REPIN1: variants seen among roughly 807,000 people sequenced by gnomAD.
REPIN1 encodes replication initiator 1.
A neutral mutation model predicts 5.7 loss-of-function variants in REPIN1; 4 were observed. That is an observed-to-expected ratio of 0.71 (90% CI 0.35 to 1.62). The LOEUF (loss-of-function observed/expected upper bound fraction) is 1.62, where lower values mean the gene tolerates loss of function less well. Ranked by LOEUF, REPIN1 falls within the 40% of genes most tolerant of loss-of-function variation. The probability of loss-of-function intolerance (pLI) is 0.05; values close to 1 mark genes in which losing one functional copy is unlikely to be tolerated. For synonymous variants in REPIN1, 410 were observed against 386.2 expected (o/e 1.06, Z -0.72); for missense variants, 854 against 901.0 (o/e 0.95, Z 0.67).
chr7:150,369,932 T>A, intron 2 of REPIN1, 64 bp downstream of exon 2: 1 of 1,518,314 alleles, frequency 6.6e-7, no homozygotes, highest in Non-Finnish European at 8.8e-7. Flanking sequence ...GGCGTCCCCA[T>A]CCCGGCGGAA....
chr7:150,372,460 G>T lies in REPIN1; in HGVS notation c.1390G>T (p.Glu464Ter). 1 of 1,536,426 alleles carries T rather than the reference G, an allele frequency of 6.5e-7. No homozygotes were observed. The part of the protein sequence containing the change: ...HTGERPFTCA[E>*]CGKNFGKKTH... ...CGGGGAGCGGCCCTTCACCTGCGCC[G>T]AGTGCGGGAAGAACTTCGGCAAGAA... The change falls in exon 3 of 3, where the codon GAG becomes TAG. Residue 464 changes from glutamate (E) to a stop codon, truncating the protein, a stop_gained. Transcript: ENST00000489432. LOFTEE classifies it low-confidence loss of function (END_TRUNC).
rs1800071192 is a variant in REPIN1 at position 150,373,187 on chromosome 7, G to T, written c.*242G>T. 3.3e-6 allele frequency: 2 copies of T among 609,138 alleles called. No individual in the cohort carries two copies. Among genetic ancestry groups the T allele is most frequent in the Non-Finnish European group, 2.9e-6 (1 of 340,588 alleles). 37.7% of individuals were successfully genotyped at this position (609,138 alleles called of 1,614,324 possible). A position where few individuals can be genotyped will look rare whatever the true frequency, so the allele number is the denominator to read the frequency against. On this transcript the variant is annotated 3_prime_UTR_variant, in exon 3 of 3. Coordinates refer to ENST00000489432, the MANE Select transcript of REPIN1 (RefSeq NM_001099695.2). ...TCCAGCTGGTGTGTGCTAAGGCTCC[G>T]TCCTGACTGCCCTGTGCCCTGGAAA...
At chr7:150,369,041 C>T (rs1474819242) in intron 1 of REPIN1, 100 bp downstream of exon 1, 6 of 330,106 alleles carry the variant, frequency 1.8e-5, no homozygotes, top group African/African-American at 5.4e-5. Flanking sequence ...TGTGTGAGTG[C>T]GCGGGGGGGG....
intron 1 of REPIN1, 80 bp downstream of exon 1, chr7:150,369,021 T>TGCGCGACCGTGTGTGAGTGC: frequency 4.9e-6 from 1 of 205,514 alleles, no homozygotes; most frequent in Non-Finnish European, 9.0e-6. Flanking sequence ...ACCGTGAGTG[T>TGCGCGACCGTGTGTGAGTGC]GCGCGACCGT....
rs1225929862 is a variant in REPIN1, at chr7:150,370,808, G to A, written c.158-420G>A. On this transcript the variant is annotated intron_variant, in intron 2 of 2. Transcript: ENST00000489432. ...GCTTCTCAGAGTTGCTGTGCAGCTCGGATGTGGCATAGGAAACAGCAGACA... is the reference window on the plus strand; with the variant it reads ...GCTTCTCAGAGTTGCTGTGCAGCTCAGATGTGGCATAGGAAACAGCAGACA... 4 of 702,238 alleles carry A rather than the reference G, an allele frequency of 5.7e-6. No homozygotes were observed. The South Asian group carries it at 5.9e-5, about 10-fold the overall frequency. The allele number at this position is 702,238 out of a possible 1,614,324, so 43.5% of individuals were successfully genotyped here.
Position 150,371,992 on chromosome 7 carries a change from T to C in REPIN1, c.922T>C (p.Leu308=), listed in dbSNP as rs1221553036. The change falls in exon 3 of 3, where the codon TTG becomes CTG. Residue 308 remains leucine, a synonymous_variant. Transcript: ENST00000489432. ...CGKRFRHKPN[L]IAHRRVHTGE... The stretch of plus-strand genomic sequence containing the variant: ...CAAGCGCTTCCGGCACAAGCCCAAC[T>C]TGATCGCTCACCGCCGCGTGCACAC... The C allele has an allele frequency of 1.2e-6, 2 of 1,611,050 alleles. No homozygotes were observed. Among genetic ancestry groups the C allele is most frequent in the Non-Finnish European group, 1.7e-6 (2 of 1,179,534 alleles).
Position 150,371,917 on chromosome 7 carries a change from C to T in REPIN1, c.847C>T (p.Arg283Trp). The change falls in exon 3 of 3, where the codon CGG becomes TGG. Residue 283 changes from arginine to tryptophan, a missense_variant. Arg to Trp is a moderately radical substitution (Grantham distance 101, BLOSUM62 -3). Around this residue, in one of 5 missense-constraint regions of REPIN1, gnomAD observed 409 missense variants for 418.6 expected, o/e 0.98. Coordinates refer to ENST00000489432, the MANE Select transcript of REPIN1 (RefSeq NM_001099695.2). Reference protein sequence around the residue: ...PRGRPAVTAPRPGGDAVDRPF... With the variant: ...PRGRPAVTAPWPGGDAVDRPF... ...GGGCCGCCCCGCGGTGACCGCCCCC[C>T]GGCCCGGTGGAGATGCCGTCGACCG... 6.2e-7 allele frequency: 1 copy of T among 1,608,278 alleles called. No individual in the cohort carries two copies. Among genetic ancestry groups the T allele is most frequent in the Non-Finnish European group, 8.5e-7 (1 of 1,178,842 alleles).
Position 150,369,758 on chromosome 7 carries a change from G to T in REPIN1, c.47G>T (p.Gly16Val). 4 of 1,613,926 alleles carry T rather than the reference G, an allele frequency of 2.5e-6. No individual in the cohort carries two copies. The highest frequency in any genetic ancestry group is 3.4e-6 in the Non-Finnish European group (4 of 1,179,826). ...SLLLQFSLTP[G>V]GYRSVGRSRR... The stretch of plus-strand genomic sequence containing the variant: ...TTACTGCAGTTTTCTCTAACACCTG[G>T]GGGCTACCGGAGTGTGGGCCGAAGC... The change falls in exon 2 of 3, where the codon GGG (glycine) becomes GTG (valine). Residue 16 changes from glycine (G) to valine (V), a missense_variant. By Grantham distance (109) the Gly-to-Val change is moderately radical. This residue lies in a region of REPIN1 where 409 missense variants were observed against 418.6 expected (regional missense o/e 0.98). Coordinates refer to ENST00000489432, the MANE Select transcript of REPIN1 (RefSeq NM_001099695.2).
At position 150,372,962 on chromosome 7, in the gene REPIN1, G is replaced by T. The variant is rs767610161; in HGVS notation, c.*17G>T. ...GATGTCTGAGACGGTGGGCGGGGCC[G>T]TGTTGGCTGAGAGAGGGCTGGGGTC... On this transcript the variant is annotated 3_prime_UTR_variant, in exon 3 of 3. Coordinates refer to ENST00000489432, the MANE Select transcript of REPIN1 (RefSeq NM_001099695.2). The T allele has an allele frequency of 6.2e-7, 1 of 1,600,958 alleles. No individual in the cohort carries two copies. The highest frequency in any genetic ancestry group is 1.3e-5 in the African/African-American group (1 of 74,816).
At position 150,372,930 on chromosome 7, in the gene REPIN1, G is replaced by A; in HGVS notation, c.1860G>A (p.Lys620=). 1 of 1,612,798 alleles carries A rather than the reference G, an allele frequency of 6.2e-7. No individual in the cohort carries two copies. The highest frequency in any genetic ancestry group is 8.5e-7 in the Non-Finnish European group (1 of 1,179,594). The change falls in exon 3 of 3, where the codon AAG becomes AAA. Residue 620 remains lysine, a synonymous_variant. Transcript: ENST00000489432. ...DDEERLLAHQ[K]KHDV ...AGGAGAGACTCCTGGCCCACCAGAA[G>A]AAGCACGATGTCTGAGACGGTGGGC...
Position 150,372,658 on chromosome 7 carries a change from T to C in REPIN1, c.1588T>C (p.Tyr530His), listed in dbSNP as rs1455329943. 1 of 1,611,048 alleles carries C rather than the reference T, an allele frequency of 6.2e-7. No individual in the cohort carries two copies. Among genetic ancestry groups the C allele is most frequent in the Non-Finnish European group, 8.5e-7 (1 of 1,179,520 alleles). The change falls in exon 3 of 3, where the codon TAC becomes CAC. Residue 530 changes from tyrosine to histidine, a missense_variant. Transcript: ENST00000489432. The stretch of plus-strand genomic sequence containing the variant: ...CGGCAAGGCCTTCCGCCACAAACCC[T>C]ACCTGGCGGCGCACCGGCGCATCCA... ...DCGKAFRHKPYLAAHRRIHTG... is the reference protein window; with the variant it reads ...DCGKAFRHKPHLAAHRRIHTG...
Position 150,372,921 on chromosome 7 carries a change from C to T in REPIN1, c.1851C>T (p.Ala617=). Residue 617 remains alanine, a synonymous_variant, in exon 3 of 3, where the codon GCC becomes GCT. Coordinates refer to ENST00000489432, the MANE Select transcript of REPIN1 (RefSeq NM_001099695.2). ...QTFDDEERLL[A]HQKKHDV The stretch of plus-strand genomic sequence containing the variant: ...TCGACGACGAGGAGAGACTCCTGGC[C>T]CACCAGAAGAAGCACGATGTCTGAG... 6.2e-7 allele frequency: 1 copy of T among 1,613,040 alleles called. No individual in the cohort carries two copies. Among genetic ancestry groups the T allele is most frequent in the Non-Finnish European group, 8.5e-7 (1 of 1,179,792 alleles).
In REPIN1 at chr7:150,372,603, C is replaced by G; in HGVS notation, c.1533C>G (p.Ala511=). ...TGGCGGCGCATCGGCGCGACCACGC[C>G]CCCGATCGGCCCTTCGTGTGTCCCG... The part of the protein sequence containing the change: ...SHLAAHRRDH[A]PDRPFVCPDC... Residue 511 remains alanine (A), a synonymous_variant, in exon 3 of 3, where the codon GCC becomes GCG. Coordinates refer to ENST00000489432, the MANE Select transcript of REPIN1 (RefSeq NM_001099695.2). The G allele has an allele frequency of 6.2e-6, 10 of 1,607,580 alleles. No individual in the cohort carries two copies. Among genetic ancestry groups the G allele is most frequent in the Non-Finnish European group, 8.5e-6 (10 of 1,178,766 alleles).
rs755217410 is a variant in REPIN1, at chr7:150,371,946, C to T, written c.876C>T (p.Pro292=). Residue 292 remains proline (P), a synonymous_variant, in exon 3 of 3, where the codon CCC becomes CCT. Coordinates refer to ENST00000489432, the MANE Select transcript of REPIN1 (RefSeq NM_001099695.2). The part of the protein sequence containing the change: ...PRPGGDAVDR[P]FQCACCGKRF... The stretch of plus-strand genomic sequence containing the variant: ...CCGGTGGAGATGCCGTCGACCGCCC[C>T]TTCCAGTGTGCCTGTTGTGGCAAGC... The T allele has an allele frequency of 6.0e-5, 97 of 1,609,354 alleles. No individual in the cohort carries two copies. Among genetic ancestry groups the T allele is most frequent in the South Asian group, 2.9e-4 (26 of 91,058 alleles).
chr7:150,370,719 G>T (rs955041509), intron 2 of REPIN1: 2 of 702,370 alleles, frequency 2.8e-6, no homozygotes, highest in East Asian at 5.4e-5. Context: ...GGCAGGTCTC[G>T]TCATCTTTGA....
In REPIN1 at chr7:150,371,934, C is replaced by A; in HGVS notation, c.864C>A (p.Ala288=). Residue 288 remains alanine, a synonymous_variant, in exon 3 of 3, where the codon GCC becomes GCA. Coordinates refer to ENST00000489432, the MANE Select transcript of REPIN1 (RefSeq NM_001099695.2). ...AVTAPRPGGD[A]VDRPFQCACC... is the part of the protein sequence containing the mutation. ...CCGCCCCCCGGCCCGGTGGAGATGC[C>A]GTCGACCGCCCCTTCCAGTGTGCCT... is the stretch of plus-strand genomic sequence containing the variant. 6 of 1,608,100 alleles carry A rather than the reference C, an allele frequency of 3.7e-6. No homozygotes were observed. The highest frequency in any genetic ancestry group is 5.1e-6 in the Non-Finnish European group (6 of 1,179,176).
upstream of REPIN1, among the ~76,000 whole-genome samples, chr7:150,368,521 G>A (rs1301694557): frequency 6.6e-6 from 1 of 152,098 alleles, no homozygotes; most frequent in Admixed American, 6.5e-5. Flanking sequence ...GCGGTCGCCC[G>A]GGGACGCGCG....
In REPIN1 at chr7:150,372,690, C is replaced by T; in HGVS notation, c.1620C>T (p.Gly540=). ...YLAAHRRIHT[G]EKPYVCPDCG... is the part of the protein sequence containing the mutation. ...CGGCGCACCGGCGCATCCACACCGGCGAGAAGCCCTACGTCTGCCCCGACT... is the reference window on the plus strand; with the variant it reads ...CGGCGCACCGGCGCATCCACACCGGTGAGAAGCCCTACGTCTGCCCCGACT... The change falls in exon 3 of 3, where the codon GGC becomes GGT. Residue 540 remains glycine, a synonymous_variant. Coordinates refer to ENST00000489432, the MANE Select transcript of REPIN1 (RefSeq NM_001099695.2). The T allele has an allele frequency of 6.2e-7, 1 of 1,612,666 alleles. No homozygotes were observed.
In REPIN1 at chr7:150,371,282, T is replaced by G. The variant is rs3735165; in HGVS notation, c.212T>G (p.Leu71Arg). The change falls in exon 3 of 3, where the codon CTG (leucine) becomes CGG (arginine). Residue 71 changes from leucine to arginine, a missense_variant. Leu to Arg is a moderately radical substitution (Grantham distance 102). This residue lies in a region of REPIN1 where 409 missense variants were observed against 418.6 expected (regional missense o/e 0.98). Coordinates refer to ENST00000489432, the MANE Select transcript of REPIN1 (RefSeq NM_001099695.2). Reference protein sequence around the residue: ...RRCRGPLAMGLAQPRLLSGPS... With the variant: ...RRCRGPLAMGRAQPRLLSGPS... ...TGCAGGGGCCCCCTGGCCATGGGCC[T>G]GGCCCAGCCCCGACTCCTTTCTGGG... 1 of 1,596,740 alleles carries G rather than the reference T, an allele frequency of 6.3e-7. No homozygotes were observed. Among genetic ancestry groups the G allele is most frequent in the Non-Finnish European group, 8.5e-7 (1 of 1,172,258 alleles).
Sources: allele counts gnomAD v4.1 joint callset (sites outside exome capture counted in the v4.1 genomes callset), GRCh38; gene constraint gnomAD v4.1.1; regional missense constraint gnomAD v4.1.1; transcripts MANE v1.5; gene names NCBI Gene and HGNC (gene_info 2026-07-23, HGNC 2026-07-21).